The following PFKFB3 variants were observed in gnomAD, a reference collection of about 807,000 sequenced individuals.
PFKFB3 encodes the protein 6-phosphofructo-2-kinase/fructose-2,6-biphosphatase 3.
In PFKFB3, 33 loss-of-function variants were observed where a neutral mutation model predicts 68.0. The ratio of observed to expected loss-of-function variants is 0.49; its 90% CI spans 0.37 to 0.65. The LOEUF is 0.65. PFKFB3 is among the 30% of genes least tolerant of loss of function. The pLI is 0.00. For missense variants in PFKFB3, 586 were observed against 712.2 expected (o/e 0.82, Z 2.02); for synonymous variants, 315 against 288.2 (o/e 1.09, Z -0.94).
intron 1 of PFKFB3, among the ~76,000 whole-genome samples, chr10:6,178,708 A>G (rs1332253468): frequency 6.6e-6 from 1 of 152,176 alleles, no homozygotes; most frequent in Non-Finnish European, 1.5e-5. Flanking sequence ...AGTTGATCTG[A>G]AAGGATTTAC....
At chr10:6,272,694 C>CA in the PFKFB3 span, among the ~76,000 whole-genome samples, 108 of 150,926 alleles carry the variant, frequency 7.2e-4, 1 homozygote, top group Admixed American at 1.4e-3. Context: ...GACTCTGTCT[C>CA]AAAAAAAAGA....
At chr10:6,265,500 T>C in the PFKFB3 span, among the ~76,000 whole-genome samples, 1 of 152,230 alleles carries the variant, frequency 6.6e-6, no homozygotes, top group South Asian at 2.1e-4. Flanking sequence ...TTCTCCACTA[T>C]TATGTTTAGG....
At chr10:6,317,996 C>G in the PFKFB3 span, among the ~76,000 whole-genome samples, 1 of 152,140 alleles carries the variant, frequency 6.6e-6, no homozygotes, top group Non-Finnish European at 1.5e-5. Flanking sequence ...TACACAGAAG[C>G]AGCATGTGGT....
chr10:6,264,484 C>T, the PFKFB3 span, among the ~76,000 whole-genome samples: 5 of 151,772 alleles, frequency 3.3e-5, no homozygotes, highest in East Asian at 9.7e-4. Context: ...TGGCTTATTC[C>T]TTCATATATT....
At chr10:6,299,243 C>T in the PFKFB3 span, among the ~76,000 whole-genome samples, 5,789 of 152,216 alleles carry the variant, frequency 0.038, 350 homozygotes, top group African/African-American at 0.13. Context: ...CTTTTTTCAA[C>T]GTTGGTTGTG....
the PFKFB3 span, among the ~76,000 whole-genome samples, chr10:6,324,994 C>T: frequency 7.6e-3 from 1,149 of 151,696 alleles, 10 homozygotes; most frequent in African/African-American, 0.027. Flanking sequence ...AACAGGATCT[C>T]CCTCTGACAC....
In PFKFB3 at chr10:6,154,879, A is replaced by G. The variant is rs1588387355; in HGVS notation, c.16+9866A>G. ...TTGTAGTGAGCTGCGGGGAGCCCGC[A>G]CTGCCACAGCAGCTGCACCTCCTCT... On this transcript the variant is annotated intron_variant, in intron 1 of 14. Coordinates refer to the PFKFB3 transcript ENST00000379789. This position sits in a 1 kb window ranked among gnomAD's most constrained non-coding sequence, Gnocchi z 4.6. Among the ~76,000 whole-genome samples the G allele has an allele frequency of 6.6e-6, 1 of 152,196 alleles. No individual in the cohort carries two copies. Among genetic ancestry groups the G allele is most frequent in the Non-Finnish European group, 1.5e-5 (1 of 68,034 alleles).
chr10:6,297,901 C>G, the PFKFB3 span, among the ~76,000 whole-genome samples: 1 of 152,192 alleles, frequency 6.6e-6, no homozygotes, highest in Non-Finnish European at 1.5e-5. Flanking sequence ...ACCCGTCTCT[C>G]TTCTGCTGAT....
chr10:6,274,835 C>CA, the PFKFB3 span, among the ~76,000 whole-genome samples: 45,781 of 141,856 alleles, frequency 0.32, 7,883 homozygotes, highest in African/African-American at 0.49. Flanking sequence ...GACTCTGTCT[C>CA]AAAAAAAAAA....
chr10:6,214,779 C>A (rs1404308808), intron 2 of PFKFB3, among the ~76,000 whole-genome samples: 1 of 152,246 alleles, frequency 6.6e-6, no homozygotes, highest in Non-Finnish European at 1.5e-5. Flanking sequence ...GGCCCTGGCC[C>A]TGGCGGCTGC....
At chr10:6,231,551 T>C (rs1480105718) in intron 14 of PFKFB3, 10 of 985,378 alleles carry the variant, frequency 1.0e-5, no homozygotes, top group Non-Finnish European at 1.2e-5. Context: ...TCCACTGTTA[T>C]TGTTGCATCG....
chr10:6,246,342 ATT>A (rs1846259823), intron 14 of PFKFB3, among the ~76,000 whole-genome samples: 1 of 149,232 alleles, frequency 6.7e-6, no homozygotes, highest in Non-Finnish European at 1.5e-5. Context: ...TATTATTATT[ATT>A]ATTAATTTTT....
At chr10:6,242,269 C>T (rs1846157635) in intron 14 of PFKFB3, among the ~76,000 whole-genome samples, 1 of 152,210 alleles carries the variant, frequency 6.6e-6, no homozygotes, top group Non-Finnish European at 1.5e-5. Flanking sequence ...ACTGTGGACT[C>T]ATGATCATTC....
Position 6,181,814 on chromosome 10 carries a change from AAAAAAG to A in PFKFB3, c.17-31807_17-31802del, listed in dbSNP as rs1366328589. Among the ~76,000 whole-genome samples, 24 of 151,892 alleles carry A rather than the reference AAAAAAG, an allele frequency of 1.6e-4. No homozygotes were observed. The East Asian group carries it at 4.1e-3, about 26-fold the overall frequency. On this transcript the variant is annotated intron_variant, in intron 1 of 14. Transcript: ENST00000379789. The stretch of plus-strand genomic sequence containing the variant: ...CTCCGTTTAAAAAAAAAAAAAAAAA[AAAAAAG>A]ACAAATACTGCATGATTCCACTCAT...
intron 14 of PFKFB3, among the ~76,000 whole-genome samples, chr10:6,226,835 C>T (rs1248921759): frequency 3.3e-5 from 5 of 152,216 alleles, no homozygotes; most frequent in African/African-American, 1.2e-4. Context: ...CCTGTAATCC[C>T]AGCGCTTTGG....
Position 6,146,420 on chromosome 10 carries a change from A to AG in PFKFB3, c.16+1411dup, listed in dbSNP as rs751358483. The AG allele has an allele frequency of 6.6e-5, 102 of 1,535,470 alleles. No homozygotes were observed. The Middle Eastern group carries it at 6.7e-4, about 10-fold the overall frequency. ...AGAAGGAAGGTGACAGCCAGCAAGCAGGGGCTCTGCCACTCCTCTGTCAGC... is the reference window on the plus strand; with the variant it reads ...AGAAGGAAGGTGACAGCCAGCAAGCAGGGGGCTCTGCCACTCCTCTGTCAGC... On this transcript the variant is annotated intron_variant, in intron 1 of 14. Transcript: ENST00000379789.
chr10:6,249,635 C>T (rs537179109), intron 14 of PFKFB3, among the ~76,000 whole-genome samples: 2 of 152,242 alleles, frequency 1.3e-5, no homozygotes, highest in East Asian at 3.9e-4. Context: ...GAATCCGAAA[C>T]AGTCAAACTC....
intron 14 of PFKFB3, 179 bp downstream of exon 14, chr10:6,226,544 T>C (rs1234779735): frequency 6.8e-6 from 4 of 591,846 alleles, no homozygotes; most frequent in Non-Finnish European, 1.2e-5. Flanking sequence ...CACACTCACG[T>C]GTTGAGGGAG....
At chr10:6,158,051 C>T (rs572994791) in intron 1 of PFKFB3, among the ~76,000 whole-genome samples, 13 of 151,130 alleles carry the variant, frequency 8.6e-5, no homozygotes, top group Admixed American at 2.6e-4. Context: ...TTTGGGAAGT[C>T]GAGACGGGTG....
Sources: gnomAD v4.1 joint callset for allele counts (sites outside exome capture counted in the v4.1 genomes callset) on GRCh38, gnomAD v4.1.1 for gene constraint, Gnocchi (gnomAD v3.1) non-coding constraint, MANE v1.5 for transcripts, NCBI Gene and HGNC (gene_info 2026-07-23, HGNC 2026-07-21) for gene names.